PAXBP1: variants seen among roughly 807,000 people sequenced by gnomAD.
PAXBP1 encodes the protein PAX3 and PAX7 binding protein 1, also known as PAX3- and PAX7-binding protein 1.
In PAXBP1, 44 loss-of-function variants were observed where a neutral mutation model predicts 119.9. The ratio of observed to expected loss-of-function variants is 0.37; its 90% CI spans 0.29 to 0.47. The LOEUF is 0.47. Ranked by LOEUF, PAXBP1 falls within the 20% of genes least tolerant of loss-of-function variation. The pLI is 0.99. For missense variants in PAXBP1, 898 were observed against 1,134.1 expected (o/e 0.79, Z 2.99); for synonymous variants, 393 against 406.6 (o/e 0.97, Z 0.40).
chr21:32,761,805 G>A (rs2044151903), intron 4 of PAXBP1, among the ~76,000 whole-genome samples: 3 of 152,148 alleles, frequency 2.0e-5, no homozygotes, highest in Admixed American at 6.5e-5. Flanking sequence ...GGGAGGCCAA[G>A]GCAGGAGGAT....
chr21:32,764,044 G>A (rs967977463), intron 3 of PAXBP1, among the ~76,000 whole-genome samples: 9 of 150,370 alleles, frequency 6.0e-5, no homozygotes, highest in African/African-American at 2.2e-4. Flanking sequence ...TTTAGCAGCA[G>A]TTCAGAAGAA....
rs760739680 is a variant in PAXBP1 at position 32,771,717 on chromosome 21, C to T, written c.-49G>A. 6 of 1,331,380 alleles carry T rather than the reference C, an allele frequency of 4.5e-6. No individual in the cohort carries two copies. The highest frequency in any genetic ancestry group is 3.6e-5 in the South Asian group (2 of 56,322). The allele number at this position is 1,331,380 out of a possible 1,614,324, so 82.5% of individuals were successfully genotyped here. On this transcript the variant is annotated 5_prime_UTR_variant, in exon 1 of 18. Transcript: ENST00000331923. Reference sequence around the variant, plus strand: ...AATACTCGCTTCCACACCGCGGCCCCGGCAGCGCCGAGCTCGTGACGGCGC... The same window carrying T: ...AATACTCGCTTCCACACCGCGGCCCTGGCAGCGCCGAGCTCGTGACGGCGC...
intron 8 of PAXBP1, among the ~76,000 whole-genome samples, chr21:32,754,884 T>C (rs572184065): frequency 2.1e-4 from 32 of 152,192 alleles, no homozygotes; most frequent in Admixed American, 2.0e-3. Flanking sequence ...GTGTTTTGAA[T>C]GAAAATGGGG....
intron 4 of PAXBP1, 144 bp downstream of exon 4, chr21:32,761,952 C>T (rs1193845790): frequency 2.6e-6 from 2 of 777,700 alleles, no homozygotes; most frequent in Non-Finnish European, 4.1e-6. Flanking sequence ...ACAAGGGTGA[C>T]TGTTTGAGTC....
In PAXBP1 at chr21:32,762,931, A is replaced by G. The variant is rs942059519; in HGVS notation, c.650-614T>C. Among the ~76,000 whole-genome samples the G allele has an allele frequency of 4.0e-5, 6 of 151,522 alleles. No homozygotes were observed. The East Asian group carries it at 1.2e-3, about 29-fold the overall frequency. The stretch of plus-strand genomic sequence containing the variant: ...CGTCTCAAAAAAAAAAAAAAAAAAA[A>G]GTAATGAAACTGTATTATGATGCTG... On this transcript the variant is annotated intron_variant, in intron 3 of 17. Coordinates refer to ENST00000331923, the MANE Select transcript of PAXBP1 (RefSeq NM_016631.4).
rs79555426 is a variant in PAXBP1 at position 32,761,145 on chromosome 21, C to T, written c.889G>A (p.Asp297Asn). 8.1e-6 allele frequency: 13 copies of T among 1,613,920 alleles called. No individual in the cohort carries two copies. In the East Asian group the frequency reaches 2.9e-4, roughly 36 times the overall value. The change falls in exon 5 of 18, where the codon GAT becomes AAT. Residue 297 changes from aspartate (D) to asparagine (N), a missense_variant. Coordinates refer to ENST00000331923, the MANE Select transcript of PAXBP1 (RefSeq NM_016631.4). ...AEEIGIEGSD[D>N]DALVTGEQDE... Reference sequence around the variant, plus strand: ...TGTTCTCCAGTTACTAAAGCATCATCATCACTCCCCTCAATTCCTACAGCC... The same window carrying T: ...TGTTCTCCAGTTACTAAAGCATCATTATCACTCCCCTCAATTCCTACAGCC...
chr21:32,736,735 G>C lies in PAXBP1; in HGVS notation c.2636+519C>G, dbSNP rs539931227. Among the ~76,000 whole-genome samples the C allele has an allele frequency of 2.6e-5, 4 of 152,230 alleles. No homozygotes were observed. In the East Asian group the frequency reaches 5.8e-4, roughly 22 times the overall value. The stretch of plus-strand genomic sequence containing the variant: ...GTGTTATTATTTACTTTTTATGCTA[G>C]AGATTTATCCCAGAATTACCTGAAC... On this transcript the variant is annotated intron_variant, in intron 17 of 17. Coordinates refer to ENST00000331923, the MANE Select transcript of PAXBP1 (RefSeq NM_016631.4).
intron 2 of PAXBP1, 98 bp downstream of exon 2, chr21:32,769,716 G>C (rs1240464868): frequency 2.4e-6 from 3 of 1,275,892 alleles, no homozygotes; most frequent in South Asian, 1.4e-5. Context: ...GACAACCACA[G>C]GGTCCACTGA....
Position 32,759,255 on chromosome 21 carries a change from T to C in PAXBP1, c.1208A>G (p.Lys403Arg), listed in dbSNP as rs369087346. 4.3e-6 allele frequency: 7 copies of C among 1,613,770 alleles called. No individual in the cohort carries two copies. Among genetic ancestry groups the C allele is most frequent in the African/African-American group, 2.7e-5 (2 of 74,920 alleles). The change falls in exon 7 of 18, where the codon AAA becomes AGA. Residue 403 changes from lysine to arginine, a missense_variant. By Grantham distance (26) the Lys-to-Arg change is conservative (BLOSUM62 2). Transcript: ENST00000331923. Reference protein sequence around the residue: ...KQLKDRLDSMKELHKTNRQQH... With the variant: ...KQLKDRLDSMRELHKTNRQQH... ...CTGTCGATTTGTTTTGTGCAATTCT[T>C]TCATGGAGTCCAACCTTAGGAACAC...
chr21:32,736,167 A>G (rs534573882), intron 17 of PAXBP1, among the ~76,000 whole-genome samples: 2 of 152,354 alleles, frequency 1.3e-5, no homozygotes, highest in African/African-American at 2.4e-5. Flanking sequence ...AAAACCTGCC[A>G]AAGAATTTTA....
chr21:32,745,679 A>G lies in PAXBP1; in HGVS notation c.1963T>C (p.Ser655Pro). The change falls in exon 12 of 18, where the codon TCT (serine) becomes CCT (proline). Residue 655 changes from serine to proline, a missense_variant. Ser to Pro is a moderately conservative substitution (Grantham distance 74). Around this residue, in one of 2 missense-constraint regions of PAXBP1, gnomAD observed 599 missense variants for 852.7 expected, o/e 0.70. Transcript: ENST00000331923. The part of the protein sequence containing the change: ...RDFENMLWFE[S>P]LLFYGCEERE... The stretch of plus-strand genomic sequence containing the variant: ...TCTTCACAACCATAAAACAGCAAAG[A>G]TTCAAACCACAGCATATTCTCAAAG... 1 of 1,614,070 alleles carries G rather than the reference A, an allele frequency of 6.2e-7. No individual in the cohort carries two copies. The highest frequency in any genetic ancestry group is 1.7e-5 in the Admixed American group (1 of 60,024).
At chr21:32,744,293 G>T (rs933223042) in intron 13 of PAXBP1, among the ~76,000 whole-genome samples, 8 of 151,382 alleles carry the variant, frequency 5.3e-5, no homozygotes, top group Non-Finnish European at 8.8e-5. Context: ...AAAAAAGGAG[G>T]GGGGCGGGGT....
intron 8 of PAXBP1, among the ~76,000 whole-genome samples, chr21:32,753,508 G>A (rs1192113092): frequency 2.0e-5 from 3 of 151,784 alleles, no homozygotes; most frequent in Non-Finnish European, 4.4e-5. Flanking sequence ...GGAGGAGACA[G>A]GTGAGTCTAA....
In PAXBP1 at chr21:32,771,728, A is replaced by G; in HGVS notation, c.-60T>C. The G allele has an allele frequency of 1.5e-6, 2 of 1,297,080 alleles. No individual in the cohort carries two copies. The highest frequency in any genetic ancestry group is 3.9e-5 in the South Asian group (2 of 51,748). The allele number at this position is 1,297,080 out of a possible 1,614,324, so 80.3% of individuals were successfully genotyped here. On this transcript the variant is annotated 5_prime_UTR_variant, in exon 1 of 18. Coordinates refer to ENST00000331923, the MANE Select transcript of PAXBP1 (RefSeq NM_016631.4). ...CCACACCGCGGCCCCGGCAGCGCCG[A>G]GCTCGTGACGGCGCACGCGCGCTCT... is the stretch of plus-strand genomic sequence containing the variant.
At position 32,743,314 on chromosome 21, in the gene PAXBP1, A is replaced by G. The variant is rs1171296325; in HGVS notation, c.2268T>C (p.Asn756=). ...DDVFMPLYPK[N]VLENKNSGPY... is the part of the protein sequence containing the mutation. ...GCCCAGAATTTTTATTTTCTAAGAC[A>G]CTAAGTAAAAAAAAGAGAAACATAT... The change falls in exon 15 of 18, where the codon AAT becomes AAC. Residue 756 remains asparagine (N), a splice_region_variant and synonymous_variant. Coordinates refer to ENST00000331923, the MANE Select transcript of PAXBP1 (RefSeq NM_016631.4). The G allele has an allele frequency of 6.4e-7, 1 of 1,551,682 alleles. No homozygotes were observed.
At chr21:32,764,096 C>T (rs2044198533) in intron 3 of PAXBP1, among the ~76,000 whole-genome samples, 1 of 151,764 alleles carries the variant, frequency 6.6e-6, no homozygotes, top group Non-Finnish European at 1.5e-5. Context: ...AAAAGGACTA[C>T]AGGACCATTT....
At chr21:32,740,539 T>C (rs2043765256) in intron 15 of PAXBP1, among the ~76,000 whole-genome samples, 1 of 152,150 alleles carries the variant, frequency 6.6e-6, no homozygotes, top group South Asian at 2.1e-4. Flanking sequence ...TTTCAACAAA[T>C]AGTGCTGGAA....
At chr21:32,762,766 C>A (rs2146516220) in intron 3 of PAXBP1, among the ~76,000 whole-genome samples, 1 of 151,736 alleles carries the variant, frequency 6.6e-6, no homozygotes, top group South Asian at 2.1e-4. Flanking sequence ...AAAAAATTAG[C>A]CAGGTGTGGT....
At position 32,744,774 on chromosome 21, in the gene PAXBP1, C is replaced by T; in HGVS notation, c.2190+18G>A. Reference sequence around the variant, plus strand: ...GAAAGAGGAAAAAAAAAAAAGGCTTCAAAAGATACTAAATTACCTGTGTAT... The same window carrying T: ...GAAAGAGGAAAAAAAAAAAAGGCTTTAAAAGATACTAAATTACCTGTGTAT... On this transcript the variant is annotated intron_variant, in intron 13 of 17. Transcript: ENST00000331923. 6.5e-7 allele frequency: 1 copy of T among 1,538,948 alleles called. No homozygotes were observed. Among genetic ancestry groups the T allele is most frequent in the Admixed American group, 2.2e-5 (1 of 45,010 alleles).
Sources: allele counts gnomAD v4.1 joint callset (sites outside exome capture counted in the v4.1 genomes callset), GRCh38; gene constraint gnomAD v4.1.1; regional missense constraint gnomAD v4.1.1; transcripts MANE v1.5; gene names NCBI Gene and HGNC (gene_info 2026-07-23, HGNC 2026-07-21).